The following KIAA1549L variants were observed in gnomAD, a reference collection of about 807,000 sequenced individuals.
KIAA1549L encodes UPF0606 protein KIAA1549L.
A neutral mutation model predicts 160.7 loss-of-function variants in KIAA1549L; 88 were observed. The observed-to-expected ratio is 0.55, with a 90% CI of 0.46 to 0.65. KIAA1549L has a LOEUF of 0.65. KIAA1549L is among the 30% of genes least tolerant of loss of function. The pLI, the probability that KIAA1549L is intolerant of heterozygous loss-of-function variation, is 0.00. For synonymous variants in KIAA1549L, 950 were observed against 976.7 expected, an observed-to-expected ratio of 0.97 and a Z score of 0.51; for missense variants, 2,258 against 2,437.5, an observed-to-expected ratio of 0.93 and a Z score of 1.55.
chr11:33,485,912 T>C lies in KIAA1549L; in HGVS notation c.239-55890T>C, dbSNP rs538431320. On this transcript the variant is annotated intron_variant, in intron 1 of 20. Transcript: ENST00000658780. Reference sequence around the variant, plus strand: ...ATTGCCTGGATTATTTCACTTGATATAATGTCCTCCAGTTTCATCCCTGTC... The same window carrying C: ...ATTGCCTGGATTATTTCACTTGATACAATGTCCTCCAGTTTCATCCCTGTC... Among the ~76,000 whole-genome samples the C allele has an allele frequency of 7.2e-4, 109 of 152,302 alleles. 1 individual carries two copies. Among genetic ancestry groups the C allele is most frequent in the African/African-American group, 2.6e-3 (108 of 41,566 alleles).
At chr11:33,665,867 G>A (rs1195166133) in intron 20 of KIAA1549L, among the ~76,000 whole-genome samples, 3 of 152,194 alleles carry the variant, frequency 2.0e-5, no homozygotes, top group African/African-American at 4.8e-5. Flanking sequence ...CAGCAGGGAG[G>A]GGGGCACCTT....
chr11:33,652,316 T>TG (rs1162583943), intron 17 of KIAA1549L, among the ~76,000 whole-genome samples: 1 of 152,054 alleles, frequency 6.6e-6, no homozygotes, highest in Non-Finnish European at 1.5e-5. Context: ...GAAGACACCC[T>TG]GGGGGAGGAT....
intron 1 of KIAA1549L, among the ~76,000 whole-genome samples, chr11:33,527,909 G>A (rs531843609): frequency 6.6e-6 from 1 of 152,262 alleles, no homozygotes; most frequent in African/African-American, 2.4e-5. Flanking sequence ...TATGTGTCAT[G>A]GGAGGAACCT....
At chr11:33,596,707 C>T (rs1372358605) in intron 12 of KIAA1549L, among the ~76,000 whole-genome samples, 1 of 152,200 alleles carries the variant, frequency 6.6e-6, no homozygotes, top group African/African-American at 2.4e-5. Flanking sequence ...CCACTGCACT[C>T]CAGGCTGGGT....
rs1310566175 is a variant in KIAA1549L at position 33,658,909 on chromosome 11, G to T, written c.6007+11G>T. 1 of 1,539,528 alleles carries T rather than the reference G, an allele frequency of 6.5e-7. No individual in the cohort carries two copies. The highest frequency in any genetic ancestry group is 2.0e-5 in the Admixed American group (1 of 50,540). On this transcript the variant is annotated intron_variant, in intron 19 of 20. Transcript: ENST00000658780. ...CTTTAAATTACTCAGGTGGGCAAGA[G>T]AAAAGCCCGAGTGTGCCCCCCACCA... is the stretch of plus-strand genomic sequence containing the variant.
At chr11:33,417,779 T>C (rs1850918281) in intron 1 of KIAA1549L, among the ~76,000 whole-genome samples, 2 of 152,164 alleles carry the variant, frequency 1.3e-5, no homozygotes. Context: ...TTCTGTCGTT[T>C]TGTTTTTTGT....
chr11:33,430,014 C>T (rs1041759451), intron 1 of KIAA1549L, among the ~76,000 whole-genome samples: 3 of 119,104 alleles, frequency 2.5e-5, no homozygotes, highest in Non-Finnish European at 5.2e-5. Context: ...GCCCTCCCTT[C>T]CTTCCTTCCT....
intron 1 of KIAA1549L, among the ~76,000 whole-genome samples, chr11:33,456,567 C>G (rs189847900): frequency 6.6e-6 from 1 of 152,056 alleles, no homozygotes; most frequent in East Asian, 1.9e-4. Context: ...TGAGCCACCA[C>G]CCCTGGTCAA....
Position 33,635,483 on chromosome 11 carries a change from A to G in KIAA1549L, c.5410-10203A>G, listed in dbSNP as rs570423591. ...ATCTGGGCTTTGGGGCAGGGTTTGG[A>G]GAGAGGCTTCAAATTCCTATGCTCC... On this transcript the variant is annotated intron_variant, in intron 16 of 20. Transcript: ENST00000658780. 3.3e-5 allele frequency among the ~76,000 whole-genome samples: 5 copies of G among 152,262 alleles called. No homozygotes were observed. In the South Asian group the frequency reaches 1.0e-3, roughly 32 times the overall value.
intron 1 of KIAA1549L, among the ~76,000 whole-genome samples, chr11:33,406,926 T>C (rs1019735955): frequency 2.6e-5 from 4 of 152,136 alleles, no homozygotes; most frequent in Non-Finnish European, 5.9e-5. Flanking sequence ...GGAGGTGTAA[T>C]GTTCACGATT....
At chr11:33,430,033 T>C (rs147822434) in intron 1 of KIAA1549L, among the ~76,000 whole-genome samples, 23 of 106,486 alleles carry the variant, frequency 2.2e-4, no homozygotes, top group South Asian at 1.8e-3. Flanking sequence ...CTTCCTTCCT[T>C]CCTTCCTTCC....
At chr11:33,506,758 A>G (rs1243621498) in intron 1 of KIAA1549L, among the ~76,000 whole-genome samples, 3 of 152,112 alleles carry the variant, frequency 2.0e-5, no homozygotes, top group Non-Finnish European at 4.4e-5. Flanking sequence ...AAACATTCAG[A>G]TGAAAGCCCA....
intron 1 of KIAA1549L, among the ~76,000 whole-genome samples, chr11:33,477,021 T>C (rs1852300751): frequency 6.6e-6 from 1 of 152,214 alleles, no homozygotes; most frequent in Non-Finnish European, 1.5e-5. Flanking sequence ...ATCAAGCCAG[T>C]AAACTGGAGC....
chr11:33,522,531 T>C (rs1853520313), intron 1 of KIAA1549L, among the ~76,000 whole-genome samples: 1 of 152,176 alleles, frequency 6.6e-6, no homozygotes, highest in African/African-American at 2.4e-5. Flanking sequence ...TGTGTGTTTC[T>C]GGTCATGGGA....
In KIAA1549L at chr11:33,547,836, A is replaced by G; in HGVS notation, c.3458A>G (p.Gln1153Arg). 6.2e-7 allele frequency: 1 copy of G among 1,613,576 alleles called. No homozygotes were observed. The highest frequency in any genetic ancestry group is 8.5e-7 in the Non-Finnish European group (1 of 1,179,652). The part of the protein sequence containing the change: ...LKFSIAKGLT[Q>R]ALRKAFHQND... ...TTCAGTATCGCCAAAGGGCTCACAC[A>G]GGCATTGCGGAAGGCTTTCCACCAG... The change falls in exon 4 of 21, where the codon CAG (glutamine) becomes CGG (arginine). Residue 1153 changes from glutamine (Q) to arginine (R), a missense_variant. Physicochemically the swap from Gln to Arg is conservative, Grantham distance 43. Coordinates refer to ENST00000658780, the MANE Select transcript of KIAA1549L (RefSeq NM_012194.3).
At chr11:33,459,805 C>CA (rs1851903041) in intron 1 of KIAA1549L, among the ~76,000 whole-genome samples, 1 of 150,048 alleles carries the variant, frequency 6.7e-6, no homozygotes, top group Non-Finnish European at 1.5e-5. Context: ...ACTAAAAATA[C>CA]AAAAAATTAG....
At chr11:33,557,668 T>C (rs766613008) in intron 6 of KIAA1549L, among the ~76,000 whole-genome samples, 30 of 152,146 alleles carry the variant, frequency 2.0e-4, no homozygotes, top group Non-Finnish European at 3.7e-4. Flanking sequence ...GGGTGGATCA[T>C]TTGAGCCCAG....
At chr11:33,581,602 C>T (rs910217659) in intron 10 of KIAA1549L, among the ~76,000 whole-genome samples, 5 of 152,198 alleles carry the variant, frequency 3.3e-5, no homozygotes. Flanking sequence ...AAGGACCTAT[C>T]ACAGCGCCTA....
intron 15 of KIAA1549L, among the ~76,000 whole-genome samples, chr11:33,610,487 C>A (rs1016694043): frequency 1.3e-5 from 2 of 152,210 alleles, no homozygotes; most frequent in Non-Finnish European, 2.9e-5. Context: ...AGGTACCATT[C>A]AAGATGCTGA....
Sources: gnomAD v4.1 joint callset for allele counts (sites outside exome capture counted in the v4.1 genomes callset) on GRCh38, gnomAD v4.1.1 for gene constraint, MANE v1.5 for transcripts, NCBI Gene and HGNC (gene_info 2026-07-23, HGNC 2026-07-21) for gene names.